The following NMNAT3 variants were observed in gnomAD, a reference collection of about 807,000 sequenced individuals.
The protein encoded by NMNAT3 is nicotinamide/nicotinic acid mononucleotide adenylyltransferase 3.
In NMNAT3, 21 loss-of-function variants were observed where a neutral mutation model predicts 24.8. The observed-to-expected ratio is 0.85, with a 90% CI of 0.60 to 1.22. The LOEUF (loss-of-function observed/expected upper bound fraction) is 1.22. Ranked by LOEUF, NMNAT3 falls within the 50% of genes most tolerant of loss-of-function variation. NMNAT3 has a pLI of 0.00. For missense variants in NMNAT3, 387 were observed against 436.6 expected, an observed-to-expected ratio of 0.89 and a Z score of 1.01; for synonymous variants, 136 against 155.2, an observed-to-expected ratio of 0.88 and a Z score of 0.92.
intron 4 of NMNAT3, among the ~76,000 whole-genome samples, chr3:139,581,303 A>ACAT (rs1559871585): frequency 1.3e-5 from 2 of 151,822 alleles, no homozygotes; most frequent in Non-Finnish European, 1.5e-5. Context: ...ATATTAGATG[A>ACAT]TATGTAATTT....
At chr3:139,574,853 A>T (rs1256908210) in intron 5 of NMNAT3, among the ~76,000 whole-genome samples, 4 of 152,302 alleles carry the variant, frequency 2.6e-5, no homozygotes, top group African/African-American at 9.6e-5. Flanking sequence ...GCTGCTGATT[A>T]TAATTGGGAG....
chr3:139,567,920 C>T (rs964173334), intron 6 of NMNAT3: 2 of 152,180 alleles, frequency 1.3e-5, no homozygotes, highest in African/African-American at 4.8e-5. Context: ...GGAATGGTAC[C>T]AGCTCCTCTT....
At chr3:139,586,191 A>G (rs997791369) in intron 3 of NMNAT3, among the ~76,000 whole-genome samples, 2 of 152,206 alleles carry the variant, frequency 1.3e-5, no homozygotes, top group Admixed American at 6.5e-5. Context: ...CATGATCACA[A>G]AGAAGGGACC....
chr3:139,608,186 C>T (rs1227936135), intron 3 of NMNAT3, among the ~76,000 whole-genome samples: 1 of 152,182 alleles, frequency 6.6e-6, no homozygotes, highest in African/African-American at 2.4e-5. Context: ...CTGGAGCTGC[C>T]TCCTCAGGAA....
At chr3:139,614,255 A>G (rs1380893159) in intron 3 of NMNAT3, among the ~76,000 whole-genome samples, 1 of 151,898 alleles carries the variant, frequency 6.6e-6, no homozygotes, top group African/African-American at 2.4e-5. Context: ...AAAAAAAAAA[A>G]CTTTCAATGT....
Position 139,655,001 on chromosome 3 carries a change from A to G in NMNAT3, c.-140-16939T>C, listed in dbSNP as rs146779156. Among the ~76,000 whole-genome samples, 32 of 152,314 alleles carry G rather than the reference A, an allele frequency of 2.1e-4. No individual in the cohort carries two copies. In the East Asian group the frequency reaches 5.8e-3, roughly 28 times the overall value. ...CACAGGGAGCCTAGGTGGGCAGAGG[A>G]GAGCCCTAGGCTCGGTCAGGTTAAG... On this transcript the variant is annotated intron_variant, in intron 1 of 6. Coordinates refer to ENST00000643695, the MANE Select transcript of NMNAT3 (RefSeq NM_001320510.2).
chr3:139,671,577 CAACAT>C (rs942611764), intron 1 of NMNAT3, among the ~76,000 whole-genome samples: 1 of 151,892 alleles, frequency 6.6e-6, no homozygotes, highest in Non-Finnish European at 1.5e-5. Flanking sequence ...TTACAAAACA[CAACAT>C]GAGTAACAGA....
At chr3:139,578,799 C>G in intron 5 of NMNAT3, 73 bp downstream of exon 5, 1 of 1,388,446 alleles carries the variant, frequency 7.2e-7, no homozygotes, top group Non-Finnish European at 9.8e-7. Context: ...ATCTGCCCTA[C>G]CTTTTACCCT....
chr3:139,658,599 T>C (rs996334767), intron 1 of NMNAT3, among the ~76,000 whole-genome samples: 5 of 152,240 alleles, frequency 3.3e-5, no homozygotes, highest in Middle Eastern at 6.3e-3. Context: ...ACCTAGATTC[T>C]ACCATTAATT....
chr3:139,578,189 G>A (rs1293570244), intron 5 of NMNAT3, among the ~76,000 whole-genome samples: 2 of 152,194 alleles, frequency 1.3e-5, no homozygotes, highest in Non-Finnish European at 2.9e-5. Context: ...ACACAAGCTA[G>A]TGACCCACTG....
At position 139,593,642 on chromosome 3, in the gene NMNAT3, T is replaced by C. The variant is rs529430002; in HGVS notation, c.110-10434A>G. Among the ~76,000 whole-genome samples the C allele has an allele frequency of 4.0e-5, 6 of 150,884 alleles. No individual in the cohort carries two copies. In the East Asian group the frequency reaches 1.2e-3, roughly 29 times the overall value. On this transcript the variant is annotated intron_variant, in intron 3 of 6. Transcript: ENST00000643695. ...GACCACAGTGCAATCAAACTAGAAC[T>C]CAGGATTAAGAATCTCACTCAAAAC...
At chr3:139,603,943 A>T (rs560809247) in intron 3 of NMNAT3, among the ~76,000 whole-genome samples, 2 of 152,354 alleles carry the variant, frequency 1.3e-5, no homozygotes, top group African/African-American at 4.8e-5. Context: ...TGGTCACTAG[A>T]TATAATTGCA....
chr3:139,645,910 C>T (rs942134775), intron 1 of NMNAT3, among the ~76,000 whole-genome samples: 3 of 151,954 alleles, frequency 2.0e-5, no homozygotes, highest in African/African-American at 7.3e-5. Context: ...AAAGAATAAA[C>T]ATTGTAATAG....
intron 2 of NMNAT3, chr3:139,635,122 T>C (rs756265914): frequency 2.6e-5 from 4 of 152,232 alleles, no homozygotes; most frequent in Admixed American, 1.3e-4. Flanking sequence ...TTGTCTTTCA[T>C]TGTGTTTAAA....
chr3:139,594,951 G>T (rs1456409600), intron 3 of NMNAT3, among the ~76,000 whole-genome samples: 1 of 152,166 alleles, frequency 6.6e-6, no homozygotes, highest in Non-Finnish European at 1.5e-5. Flanking sequence ...AGTGTTGGAA[G>T]TTCTGGCCAG....
chr3:139,573,215 C>G (rs1938694136), intron 6 of NMNAT3, among the ~76,000 whole-genome samples: 1 of 152,154 alleles, frequency 6.6e-6, no homozygotes, highest in Non-Finnish European at 1.5e-5. Flanking sequence ...AAGTCTTAGT[C>G]TCTTTGTTCA....
intron 1 of NMNAT3, among the ~76,000 whole-genome samples, chr3:139,641,331 G>A (rs572263820): frequency 1.8e-4 from 27 of 152,322 alleles, no homozygotes; most frequent in African/African-American, 6.5e-4. Flanking sequence ...AAGAACTAAC[G>A]TATTGATCTG....
rs1050329577 is a variant in NMNAT3 at position 139,575,897 on chromosome 3, C to T, written c.576-2217G>A. On this transcript the variant is annotated intron_variant, in intron 5 of 6. Transcript: ENST00000643695. Reference sequence around the variant, plus strand: ...CTGCAGATCCCTGTTTTGAAGATGGCCATAAGCATGGCTTCAGAGCTCCAC... The same window carrying T: ...CTGCAGATCCCTGTTTTGAAGATGGTCATAAGCATGGCTTCAGAGCTCCAC... 1.8e-5 allele frequency: 23 copies of T among 1,279,918 alleles called. No individual in the cohort carries two copies. In the Admixed American group the frequency reaches 2.6e-4, roughly 15 times the overall value. 79.3% of individuals were successfully genotyped at this position (1,279,918 alleles called of 1,614,324 possible).
chr3:139,609,290 T>C (rs1382787935), intron 3 of NMNAT3, among the ~76,000 whole-genome samples: 1 of 152,240 alleles, frequency 6.6e-6, no homozygotes, highest in African/African-American at 2.4e-5. Flanking sequence ...ATTGCATGTT[T>C]AGTTTTACAA....
Sources: gnomAD v4.1 joint callset for allele counts (sites outside exome capture counted in the v4.1 genomes callset) on GRCh38, gnomAD v4.1.1 for gene constraint, MANE v1.5 for transcripts, NCBI Gene and HGNC (gene_info 2026-07-23, HGNC 2026-07-21) for gene names.